DCHS2: variants seen among roughly 807,000 people sequenced by gnomAD.
DCHS2 encodes protocadherin-23.
In DCHS2, 142 loss-of-function variants were observed where a neutral mutation model predicts 182.4. The ratio of observed to expected loss-of-function variants is 0.78; its 90% confidence interval spans 0.68 to 0.89. The LOEUF (loss-of-function observed/expected upper bound fraction) is 0.89, where lower values mean the gene tolerates loss of function less well. Among genes scored for constraint, DCHS2 ranks in the 40% least tolerant of loss-of-function variants. The pLI is 0.00. For missense variants in DCHS2, 4,319 were observed against 4,198.6 expected (o/e 1.03, Z -0.79); for synonymous variants, 1,740 against 1,663.3 (o/e 1.05, Z -1.12).
At chr4:154,311,951 C>G (rs936683967) in intron 10 of DCHS2, among the ~76,000 whole-genome samples, 1 of 151,760 alleles carries the variant, frequency 6.6e-6, no homozygotes, top group Admixed American at 6.6e-5. Context: ...GGTCCTTATT[C>G]TTTTTCATCT....
At chr4:154,240,516 G>A in intron 18 of DCHS2, 21 bp downstream of exon 18, 1 of 1,603,496 alleles carries the variant, frequency 6.2e-7, no homozygotes, top group Non-Finnish European at 8.5e-7. Flanking sequence ...TTTGGTTTCG[G>A]CATCTCTTTA....
At position 154,333,244 on chromosome 4, in the gene DCHS2, T is replaced by C; in HGVS notation, c.2964A>G (p.Ile988Met). Reference protein sequence around the residue: ...AFLRTSDEIRISQTTPPGTAL... With the variant: ...AFLRTSDEIRMSQTTPPGTAL... ...CTGTGCCAGGGGGCGTGGTCTGGGA[T>C]ATTCTAATCTCATCCGAGGTCCTGA... Residue 988 changes from isoleucine to methionine, a missense_variant, in exon 5 of 20, where the codon ATA becomes ATG. Coordinates refer to ENST00000357232, the MANE Select transcript of DCHS2 (RefSeq NM_001358235.2). 6.2e-7 allele frequency: 1 copy of C among 1,614,196 alleles called. No homozygotes were observed. Among genetic ancestry groups the C allele is most frequent in the East Asian group, 2.2e-5 (1 of 44,876 alleles).
intron 3 of DCHS2, among the ~76,000 whole-genome samples, chr4:154,350,192 C>A (rs115937313): frequency 0.019 from 2,840 of 152,336 alleles, 29 homozygotes; most frequent in Middle Eastern, 0.034. Context: ...CACATGGTGA[C>A]TGTTCAATAA....
intron 1 of DCHS2, among the ~76,000 whole-genome samples, chr4:154,401,404 G>A (rs1243058546): frequency 6.6e-6 from 1 of 152,074 alleles, no homozygotes; most frequent in East Asian, 1.9e-4. Context: ...GAATTGGAGG[G>A]TCATAGGGTA....
chr4:154,390,107 T>A (rs112019907), intron 1 of DCHS2, among the ~76,000 whole-genome samples: 1 of 150,836 alleles, frequency 6.6e-6, no homozygotes, highest in African/African-American at 2.4e-5. Flanking sequence ...TTTTAAATTT[T>A]TTTATTTTTT....
At chr4:154,427,989 A>C (rs1186244610) in intron 1 of DCHS2, among the ~76,000 whole-genome samples, 3 of 152,250 alleles carry the variant, frequency 2.0e-5, no homozygotes, top group Non-Finnish European at 2.9e-5. Flanking sequence ...GTGCATATGA[A>C]GGCAGTCTGG....
chr4:154,267,880 C>A (rs1733359251), intron 14 of DCHS2, among the ~76,000 whole-genome samples: 2 of 152,208 alleles, frequency 1.3e-5, no homozygotes, highest in Non-Finnish European at 2.9e-5. Flanking sequence ...CCATCTCTTA[C>A]TTGCAGTAAA....
chr4:154,348,168 C>A (rs1729445934), intron 3 of DCHS2, among the ~76,000 whole-genome samples: 1 of 151,966 alleles, frequency 6.6e-6, no homozygotes, highest in South Asian at 2.1e-4. Context: ...AACTATTATT[C>A]TCTCTCACTT....
intron 16 of DCHS2, among the ~76,000 whole-genome samples, chr4:154,254,466 T>C (rs141575976): frequency 3.9e-5 from 6 of 152,326 alleles, no homozygotes; most frequent in East Asian, 1.9e-4. Context: ...AGCTTCATGG[T>C]ATTTCATAGT....
chr4:154,471,894 G>A (rs943169140), intron 1 of DCHS2, among the ~76,000 whole-genome samples: 3 of 152,240 alleles, frequency 2.0e-5, no homozygotes, highest in African/African-American at 7.2e-5. Flanking sequence ...GCATAGTTAG[G>A]TCGGTGATTT....
At chr4:154,321,537 G>C (rs1736061964) in intron 8 of DCHS2, among the ~76,000 whole-genome samples, 1 of 152,032 alleles carries the variant, frequency 6.6e-6, no homozygotes. Flanking sequence ...GGGAATGCAG[G>C]GTAGCTAGTT....
chr4:154,374,938 A>C (rs1180100396), intron 2 of DCHS2, among the ~76,000 whole-genome samples: 1 of 152,208 alleles, frequency 6.6e-6, no homozygotes, highest in Non-Finnish European at 1.5e-5. Flanking sequence ...TAAATTGAAC[A>C]CGTTGTTTCT....
rs767623965 is a variant in DCHS2 at position 154,389,857 on chromosome 4, G to A, written c.2053-12413C>T. Among the ~76,000 whole-genome samples, 9 of 152,000 alleles carry A rather than the reference G, an allele frequency of 5.9e-5. No individual in the cohort carries two copies. In the South Asian group the frequency reaches 6.2e-4, roughly 11 times the overall value. On this transcript the variant is annotated intron_variant, in intron 1 of 19. Transcript: ENST00000357232. ...AGAGGAATAGAGTGTCTGCACAGGA[G>A]CTCTCATTCCAGAGCTCCTCTCTAC...
intron 3 of DCHS2, among the ~76,000 whole-genome samples, chr4:154,351,440 T>C (rs1729605751): frequency 1.3e-5 from 2 of 152,236 alleles, no homozygotes; most frequent in African/African-American, 4.8e-5. Context: ...AGTGGTATTA[T>C]TACTGAAAAT....
At chr4:154,275,607 C>T (rs1321031715) in intron 13 of DCHS2, among the ~76,000 whole-genome samples, 3 of 152,048 alleles carry the variant, frequency 2.0e-5, no homozygotes, top group Admixed American at 1.3e-4. Context: ...CCCCACTGCT[C>T]AAAGTTCTGT....
chr4:154,258,923 A>C (rs768878345), intron 15 of DCHS2, among the ~76,000 whole-genome samples: 1 of 152,174 alleles, frequency 6.6e-6, no homozygotes, highest in African/African-American at 2.4e-5. Context: ...GGGAGGTTAG[A>C]GATCTCCTAA....
At chr4:154,386,261 C>T (rs564328052) in intron 1 of DCHS2, among the ~76,000 whole-genome samples, 11 of 152,314 alleles carry the variant, frequency 7.2e-5, no homozygotes, top group Non-Finnish European at 8.8e-5. Context: ...ATCCTCCACT[C>T]CTGTCCGACT....
In DCHS2 at chr4:154,320,386, C is replaced by G. The variant is rs764629498; in HGVS notation, c.5013G>C (p.Glu1671Asp). The change falls in exon 9 of 20, where the codon GAG becomes GAC. Residue 1671 changes from glutamate to aspartate, a missense_variant. Coordinates refer to ENST00000357232, the MANE Select transcript of DCHS2 (RefSeq NM_001358235.2). ...GNENMTFMLDESSGLLTTTCP... is the reference protein window; with the variant it reads ...GNENMTFMLDDSSGLLTTTCP... ...ACATATAGGGCACTGTACCTGATGA[C>G]TCATCTAGCATAAACGTCATGTTTT... 6.2e-7 allele frequency: 1 copy of G among 1,613,130 alleles called. No individual in the cohort carries two copies. The highest frequency in any genetic ancestry group is 8.5e-7 in the Non-Finnish European group (1 of 1,179,376).
intron 12 of DCHS2, among the ~76,000 whole-genome samples, chr4:154,301,431 T>C (rs988626277): frequency 6.6e-6 from 1 of 152,214 alleles, no homozygotes; most frequent in African/African-American, 2.4e-5. Context: ...CTTACATCTG[T>C]AACAAAGAGA....
Sources: gnomAD v4.1 joint callset for allele counts (sites outside exome capture counted in the v4.1 genomes callset) on GRCh38, gnomAD v4.1.1 for gene constraint, MANE v1.5 for transcripts, NCBI Gene and HGNC (gene_info 2026-07-23, HGNC 2026-07-21) for gene names.